The following HTR4 variants were observed in gnomAD, a reference collection of about 807,000 sequenced individuals.
HTR4 encodes 5-hydroxytryptamine (serotonin) receptor 4, G protein-coupled.
HTR4 carries 16 observed loss-of-function variants against 36.8 expected under a neutral mutation model. The ratio of observed to expected loss-of-function variants is 0.43; its 90% CI spans 0.29 to 0.66. The LOEUF (loss-of-function observed/expected upper bound fraction) is 0.66, where lower values mean the gene tolerates loss of function less well. Ranked by LOEUF, HTR4 falls within the 30% of genes least tolerant of loss-of-function variation. The pLI is 0.13. For missense variants in HTR4, 438 were observed against 490.9 expected (o/e 0.89, Z 1.02); for synonymous variants, 189 against 185.1 (o/e 1.02, Z -0.17).
chr5:148,475,777 T>A (rs1462284090), downstream of HTR4, among the ~76,000 whole-genome samples: 1 of 152,200 alleles, frequency 6.6e-6, no homozygotes. Flanking sequence ...ACAGCTACAC[T>A]TCAGTGAGAG....
chr5:148,506,475 T>C (rs1757222010), intron 6 of HTR4, among the ~76,000 whole-genome samples: 3 of 152,302 alleles, frequency 2.0e-5, no homozygotes. Context: ...AAGGACTACA[T>C]GTCTAAAACA....
At chr5:148,535,115 C>CA (rs1758751279) in intron 4 of HTR4, among the ~76,000 whole-genome samples, 1 of 152,164 alleles carries the variant, frequency 6.6e-6, no homozygotes, top group African/African-American at 2.4e-5. Context: ...GCTTAAGCAT[C>CA]AAAAATACCT....
At chr5:148,500,179 T>C (rs1263643985) in intron 6 of HTR4, among the ~76,000 whole-genome samples, 1 of 152,214 alleles carries the variant, frequency 6.6e-6, no homozygotes, top group East Asian at 1.9e-4. Context: ...CTATATGGGG[T>C]TGTCAAGGAA....
intron 2 of HTR4, among the ~76,000 whole-genome samples, chr5:148,586,080 T>A (rs1252804727): frequency 6.6e-6 from 1 of 152,168 alleles, no homozygotes; most frequent in Non-Finnish European, 1.5e-5. Context: ...AGCTCATATA[T>A]ATAACCAGCT....
chr5:148,516,480 TG>T (rs1316790947), intron 5 of HTR4, among the ~76,000 whole-genome samples: 4 of 151,922 alleles, frequency 2.6e-5, no homozygotes, highest in Admixed American at 6.6e-5. Context: ...CCACCATGCC[TG>T]GCTAATTTTT....
intron 4 of HTR4, among the ~76,000 whole-genome samples, chr5:148,542,820 T>G (rs1345696897): frequency 6.6e-6 from 1 of 152,180 alleles, no homozygotes; most frequent in East Asian, 1.9e-4. Context: ...TCTGTTTTGT[T>G]GTGGAGGCTC....
intron 2 of HTR4, among the ~76,000 whole-genome samples, chr5:148,620,535 T>A (rs557591185): frequency 6.6e-6 from 1 of 152,326 alleles, no homozygotes; most frequent in East Asian, 1.9e-4. Context: ...AAATGCACAA[T>A]GGATTTTGAA....
rs549895080 is a variant in HTR4, at chr5:148,594,387, C to A, written c.26+42602G>T. Among the ~76,000 whole-genome samples the A allele has an allele frequency of 4.6e-4, 69 of 149,292 alleles. No individual in the cohort carries two copies. In the South Asian group the frequency reaches 0.015, roughly 31 times the overall value. ...GTGTGTGTGTGTGTGTGTAAAGTTA[C>A]CTAATTGACATTACAGTAAGTGTAA... On this transcript the variant is annotated intron_variant, in intron 2 of 6. Coordinates refer to ENST00000377888, the MANE Select transcript of HTR4 (RefSeq NM_000870.7).
At chr5:148,625,815 G>A (rs183734979) in intron 2 of HTR4, among the ~76,000 whole-genome samples, 3 of 151,944 alleles carry the variant, frequency 2.0e-5, no homozygotes, top group East Asian at 1.9e-4. Context: ...TCTTGACCTC[G>A]TGATCCACCC....
chr5:148,482,457 G>A lies in HTR4; in HGVS notation c.*746C>T, dbSNP rs1275538319. The A allele has an allele frequency of 3.0e-6, 3 of 985,502 alleles. No individual in the cohort carries two copies. Among genetic ancestry groups the A allele is most frequent in the African/African-American group, 1.7e-5 (1 of 57,242 alleles). The allele number at this position is 985,502 out of a possible 1,614,324, so 61.0% of individuals were successfully genotyped here. ...ACCAGGAGGAAGCTATCTGTCTTCA[G>A]CTTCCCTCCAGAGTTGCTGTGGAGA... is the stretch of plus-strand genomic sequence containing the variant. On this transcript the variant is annotated 3_prime_UTR_variant, in exon 7 of 7. Coordinates refer to ENST00000377888, the MANE Select transcript of HTR4 (RefSeq NM_000870.7).
intron 1 of HTR4, among the ~76,000 whole-genome samples, chr5:148,639,633 A>ATATATATATATATATATATATC (rs1753663690): frequency 6.8e-6 from 1 of 145,996 alleles, no homozygotes; most frequent in Non-Finnish European, 1.5e-5. Context: ...ATATATATAT[A>ATATATATATATATATATATATC]TATATATATA....
At position 148,654,286 on chromosome 5, in the gene HTR4, C is replaced by T; in HGVS notation, c.-272G>A. 1.0e-6 allele frequency: 1 copy of T among 985,258 alleles called. No homozygotes were observed. Among genetic ancestry groups the T allele is most frequent in the South Asian group, 4.7e-5 (1 of 21,288 alleles). The allele number at this position is 985,258 out of a possible 1,614,324, so 61.0% of individuals were successfully genotyped here. A position where few individuals can be genotyped will look rare whatever the true frequency, so the allele number is the denominator to read the frequency against. ...GCGCAGGACCCCAGCCCCGGATCAC[C>T]TGGGCTCGCCGCGCATCGTCCTTCT... is the stretch of plus-strand genomic sequence containing the variant. On this transcript the variant is annotated 5_prime_UTR_variant, in exon 1 of 7. Coordinates refer to ENST00000377888, the MANE Select transcript of HTR4 (RefSeq NM_000870.7).
intron 2 of HTR4, among the ~76,000 whole-genome samples, chr5:148,614,739 C>T (rs983479424): frequency 2.1e-5 from 3 of 143,698 alleles, no homozygotes; most frequent in Admixed American, 1.4e-4. Flanking sequence ...TCAGAGTGAA[C>T]AGGCAACCTA....
At position 148,509,533 on chromosome 5, in the gene HTR4, G is replaced by A. The variant is rs751681411; in HGVS notation, c.999C>T (p.Arg333=). The A allele has an allele frequency of 1.2e-6, 2 of 1,614,080 alleles. No individual in the cohort carries two copies. The highest frequency in any genetic ancestry group is 1.7e-6 in the Non-Finnish European group (2 of 1,179,992). The change falls in exon 6 of 7, where the codon CGC becomes CGT. Residue 333 remains arginine, a synonymous_variant. Transcript: ENST00000377888. The part of the protein sequence containing the change: ...FLIILCCDDE[R]YRRPSILGQT... ...GGCCCAGAATGGAAGGTCTTCGGTA[G>A]CGCTCATCATCACAGCAGAGGATGA...
chr5:148,654,291 C>A lies in HTR4; in HGVS notation c.-277G>T, dbSNP rs933125978. 12 of 984,602 alleles carry A rather than the reference C, an allele frequency of 1.2e-5. No homozygotes were observed. The highest frequency in any genetic ancestry group is 1.4e-5 in the Non-Finnish European group (12 of 829,348). The allele number at this position is 984,602 out of a possible 1,614,324, so 61.0% of individuals were successfully genotyped here. On this transcript the variant is annotated 5_prime_UTR_variant, in exon 1 of 7. Transcript: ENST00000377888. ...GGACCCCAGCCCCGGATCACCTGGGCTCGCCGCGCATCGTCCTTCTCCCCA... is the reference window on the plus strand; with the variant it reads ...GGACCCCAGCCCCGGATCACCTGGGATCGCCGCGCATCGTCCTTCTCCCCA...
intron 4 of HTR4, among the ~76,000 whole-genome samples, chr5:148,546,328 C>T (rs1342719778): frequency 2.0e-5 from 3 of 152,126 alleles, no homozygotes; most frequent in Admixed American, 6.5e-5. Context: ...GGTGCTATCT[C>T]CCTAAGTTTT....
chr5:148,506,537 C>T (rs1757224797), intron 6 of HTR4, among the ~76,000 whole-genome samples: 1 of 152,126 alleles, frequency 6.6e-6, no homozygotes, highest in South Asian at 2.1e-4. Flanking sequence ...TCTAATTAAA[C>T]TAAAGAGCTT....
chr5:148,551,771 C>A (rs1042264753), intron 2 of HTR4, among the ~76,000 whole-genome samples: 3 of 152,242 alleles, frequency 2.0e-5, no homozygotes, highest in Middle Eastern at 3.4e-3. Context: ...GCAAAAAAAT[C>A]TCATAATGTG....
intron 6 of HTR4, among the ~76,000 whole-genome samples, chr5:148,501,166 G>A (rs1756919362): frequency 1.3e-5 from 2 of 152,156 alleles, no homozygotes; most frequent in Non-Finnish European, 2.9e-5. Context: ...TTATGGAACA[G>A]CTGAAACAAG....
Sources: allele counts gnomAD v4.1 joint callset (sites outside exome capture counted in the v4.1 genomes callset), GRCh38; gene constraint gnomAD v4.1.1; transcripts MANE v1.5; gene names NCBI Gene and HGNC (gene_info 2026-07-23, HGNC 2026-07-21).